TRPM7: variants seen among roughly 807,000 people sequenced by gnomAD.
TRPM7 encodes LTRPC ion channel family member 7.
In TRPM7, 134 loss-of-function variants were observed where a neutral mutation model predicts 229.7. The ratio of observed to expected loss-of-function variants is 0.58; its 90% CI spans 0.51 to 0.67. The LOEUF is 0.67. Ranked by LOEUF, TRPM7 falls within the 30% of genes least tolerant of loss-of-function variation. The pLI, the probability that TRPM7 is intolerant of heterozygous loss-of-function variation, is 0.00. For synonymous variants in TRPM7, 699 were observed against 715.2 expected (o/e 0.98, Z 0.36); for missense variants, 1,901 against 2,210.0 (o/e 0.86, Z 2.80).
intron 21 of TRPM7, 200 bp downstream of exon 21, chr15:50,604,666 C>G (rs2059876039): frequency 2.2e-6 from 1 of 446,688 alleles, no homozygotes; most frequent in African/African-American, 2.0e-5. Flanking sequence ...CTAACATTAT[C>G]TTGCAAAGCA....
rs774709874 is a variant in TRPM7, at chr15:50,637,451, T to G, written c.803A>C (p.Lys268Thr). 1.2e-6 allele frequency: 2 copies of G among 1,611,752 alleles called. No individual in the cohort carries two copies. Among genetic ancestry groups the G allele is most frequent in the Non-Finnish European group, 1.7e-6 (2 of 1,179,570 alleles). Residue 268 changes from lysine (K) to threonine (T), a missense_variant, in exon 7 of 39, where the codon AAA becomes ACA. Physicochemically the swap from Lys to Thr is moderately conservative, Grantham distance 78. Transcript: ENST00000646667. Reference protein sequence around the residue: ...AEVRLRRELEKTINQQRIHAR... With the variant: ...AEVRLRRELETTINQQRIHAR... The stretch of plus-strand genomic sequence containing the variant: ...ATGAATTCTTTGCTGATTAATAGTT[T>G]TTTCAAGTTCTCTTCTCAGTCTGAC...
At chr15:50,630,346 G>C (rs185185396) in intron 10 of TRPM7, among the ~76,000 whole-genome samples, 22 of 152,178 alleles carry the variant, frequency 1.4e-4, no homozygotes, top group Admixed American at 1.3e-3. Context: ...GAAAATTCTT[G>C]TAAATAAAAG....
chr15:50,639,401 G>C (rs768046329), intron 6 of TRPM7, 23 bp downstream of exon 6: 44 of 1,545,252 alleles, frequency 2.8e-5, no homozygotes, highest in Middle Eastern at 3.5e-4. Flanking sequence ...TCAAACATAA[G>C]AAATTTTAAA....
At position 50,678,277 on chromosome 15, in the gene TRPM7, A is replaced by C. The variant is rs146997995; in HGVS notation, c.3+8254T>G. Among the ~76,000 whole-genome samples the C allele has an allele frequency of 1.9e-3, 282 of 149,048 alleles. 3 individuals are homozygous for C. Among genetic ancestry groups the C allele is most frequent in the African/African-American group, 6.6e-3 (269 of 40,616 alleles). ...CAAAAACAAAAACAAAAACAAAAAC[A>C]AAAACCAACACCTAGAAATTCAGAG... On this transcript the variant is annotated intron_variant, in intron 1 of 38. Transcript: ENST00000646667.
At chr15:50,644,907 G>A (rs539843208) in intron 4 of TRPM7, among the ~76,000 whole-genome samples, 2 of 150,784 alleles carry the variant, frequency 1.3e-5, no homozygotes, top group African/African-American at 4.9e-5. Context: ...TTTTGGTTTT[G>A]TTTTGTTTTT....
intron 1 of TRPM7, among the ~76,000 whole-genome samples, chr15:50,670,497 C>A (rs1475022194): frequency 2.0e-5 from 3 of 152,194 alleles, no homozygotes; most frequent in African/African-American, 7.2e-5. Context: ...TCATTATATG[C>A]TAATTATAAT....
At chr15:50,585,016 C>G (rs1596102326) in intron 28 of TRPM7, among the ~76,000 whole-genome samples, 1 of 150,732 alleles carries the variant, frequency 6.6e-6, no homozygotes, top group African/African-American at 2.4e-5. Flanking sequence ...GCTGGGATTA[C>G]AGACGTGCGC....
chr15:50,577,109 T>C (rs568462816), intron 31 of TRPM7, among the ~76,000 whole-genome samples: 4 of 137,104 alleles, frequency 2.9e-5, no homozygotes, highest in African/African-American at 1.1e-4. Flanking sequence ...ATCCTGTCTT[T>C]GGCAGGGGAG....
intron 13 of TRPM7, among the ~76,000 whole-genome samples, chr15:50,616,076 T>C (rs2060214597): frequency 6.6e-6 from 1 of 152,170 alleles, no homozygotes. Flanking sequence ...TCACCTATGA[T>C]ATTCTTCAAT....
At chr15:50,626,519 G>C (rs2060564904) in intron 11 of TRPM7, among the ~76,000 whole-genome samples, 1 of 152,124 alleles carries the variant, frequency 6.6e-6, no homozygotes, top group Non-Finnish European at 1.5e-5. Context: ...CAACTGTCCT[G>C]CAAATTCTAA....
At chr15:50,621,296 T>A (rs1219982870) in intron 12 of TRPM7, among the ~76,000 whole-genome samples, 1 of 152,188 alleles carries the variant, frequency 6.6e-6, no homozygotes, top group African/African-American at 2.4e-5. Flanking sequence ...TATCTCATAT[T>A]TTGGGGGTAT....
chr15:50,634,236 G>A (rs189229624), intron 8 of TRPM7, 146 bp downstream of exon 8: 10 of 490,968 alleles, frequency 2.0e-5, no homozygotes, highest in Middle Eastern at 6.3e-4. Context: ...CAGGAAAATC[G>A]CTTGAACCTG....
At chr15:50,647,984 T>G (rs1305878472) in intron 4 of TRPM7, among the ~76,000 whole-genome samples, 1 of 152,228 alleles carries the variant, frequency 6.6e-6, no homozygotes, top group Non-Finnish European at 1.5e-5. Context: ...CTCACTATTT[T>G]GCCCAGGCTG....
chr15:50,605,267 T>C lies in TRPM7; in HGVS notation c.2710-123A>G, dbSNP rs140563777. On this transcript the variant is annotated intron_variant, in intron 20 of 38. Transcript: ENST00000646667. ...GCTTTTATTTATTAACTTATTTATT[T>C]TGAGACAGAGTCTCGCTCTATTGCC... The C allele has an allele frequency of 1.7e-4, 159 of 922,540 alleles. No individual in the cohort carries two copies. In the Middle Eastern group the frequency reaches 1.8e-3, roughly 10 times the overall value. The allele number at this position is 922,540 out of a possible 1,614,324, so 57.1% of individuals were successfully genotyped here.
At position 50,648,742 on chromosome 15, in the gene TRPM7, G is replaced by A. The variant is rs745904907; in HGVS notation, c.266C>T (p.Thr89Met). ...AAAATTTATGACTCCATAAGCATCC[G>A]TTGGGCTCTGTTCTGTATGCTTTTC... ...SVEKHTEQSP[T>M]DAYGVINFQG... Residue 89 changes from threonine (T) to methionine (M), a missense_variant, in exon 4 of 39, where the codon ACG (threonine) becomes ATG (methionine). Around this residue, in one of 8 missense-constraint regions of TRPM7, gnomAD observed 794 missense variants for 881.9 expected, o/e 0.90. Coordinates refer to ENST00000646667, the MANE Select transcript of TRPM7 (RefSeq NM_017672.6). The A allele has an allele frequency of 1.9e-6, 3 of 1,612,938 alleles. No homozygotes were observed. Among genetic ancestry groups the A allele is most frequent in the Admixed American group, 1.7e-5 (1 of 59,844 alleles).
intron 36 of TRPM7, among the ~76,000 whole-genome samples, chr15:50,570,546 A>G (rs924317252): frequency 2.0e-4 from 31 of 152,080 alleles, no homozygotes; most frequent in African/African-American, 7.5e-4. Flanking sequence ...TAGGACTTTA[A>G]AAGTGTTTGG....
At chr15:50,637,336 T>C in intron 7 of TRPM7, 86 bp downstream of exon 7, 1 of 1,304,964 alleles carries the variant, frequency 7.7e-7, no homozygotes, top group Non-Finnish European at 1.1e-6. Flanking sequence ...AAAGAGCACT[T>C]CAAAGAACAT....
chr15:50,672,898 CAAAAAAAA>C (rs35153596), intron 1 of TRPM7, among the ~76,000 whole-genome samples: 6 of 26,218 alleles, frequency 2.3e-4, no homozygotes, highest in Admixed American at 2.0e-3. Flanking sequence ...GACTCTGTCT[CAAAAAAAA>C]AAAAAAAAAA....
At chr15:50,618,868 G>A (rs371822051) in intron 13 of TRPM7, among the ~76,000 whole-genome samples, 3 of 152,160 alleles carry the variant, frequency 2.0e-5, no homozygotes, top group South Asian at 2.1e-4. Flanking sequence ...AAGTGAAAAC[G>A]TGGTATTTGA....
Sources: allele counts gnomAD v4.1 joint callset (sites outside exome capture counted in the v4.1 genomes callset), GRCh38; gene constraint gnomAD v4.1.1; regional missense constraint gnomAD v4.1.1; transcripts MANE v1.5; gene names NCBI Gene and HGNC (gene_info 2026-07-23, HGNC 2026-07-21).